Variants in SNTG2 observed in about 807,000 individuals in gnomAD.
The protein encoded by SNTG2 is syntrophin gamma 2, also known as gamma-2-syntrophin.
In SNTG2, 74 loss-of-function variants were observed where a neutral mutation model predicts 70.9. That is an observed-to-expected ratio of 1.04 (90% CI 0.86 to 1.27). The LOEUF is 1.27. Ranked by LOEUF, SNTG2 falls within the 50% of genes most tolerant of loss-of-function variation. The probability of loss-of-function intolerance (pLI) is 0.00; values close to 1 mark genes in which losing one functional copy is unlikely to be tolerated. For missense variants in SNTG2, 717 were observed against 690.7 expected, an observed-to-expected ratio of 1.04 and a Z score of -0.43; for synonymous variants, 278 against 273.8, an observed-to-expected ratio of 1.02 and a Z score of -0.15.
chr2:1,053,244 G>T (rs997980551), intron 1 of SNTG2, among the ~76,000 whole-genome samples: 1 of 152,110 alleles, frequency 6.6e-6, no homozygotes, highest in African/African-American at 2.4e-5. Flanking sequence ...TAAAATGTAG[G>T]TAAGCAGGCT....
intron 4 of SNTG2, among the ~76,000 whole-genome samples, chr2:1,104,059 T>C (rs917384259): frequency 2.6e-5 from 4 of 152,240 alleles, no homozygotes; most frequent in African/African-American, 9.6e-5. Flanking sequence ...AGGATTTTCA[T>C]TCCCATTTTA....
chr2:1,141,397 A>C (rs1159256554), intron 6 of SNTG2, among the ~76,000 whole-genome samples: 3 of 152,204 alleles, frequency 2.0e-5, no homozygotes, highest in Non-Finnish European at 2.9e-5. Context: ...TAACAGCTAG[A>C]AACTGCAGGA....
chr2:962,041 G>C (rs1660365651), intron 1 of SNTG2, among the ~76,000 whole-genome samples: 2 of 152,164 alleles, frequency 1.3e-5, no homozygotes, highest in Non-Finnish European at 1.5e-5. Context: ...AGACTTCATT[G>C]GTTCTTCAGT....
intron 8 of SNTG2, among the ~76,000 whole-genome samples, chr2:1,189,741 G>T (rs4396756): frequency 0.024 from 3,518 of 147,158 alleles, 131 homozygotes; most frequent in African/African-American, 0.08. Flanking sequence ...TAGAGACGGG[G>T]TTTCACCATG....
intron 1 of SNTG2, among the ~76,000 whole-genome samples, chr2:964,062 C>G (rs1660446684): frequency 6.6e-6 from 1 of 152,160 alleles, no homozygotes; most frequent in Non-Finnish European, 1.5e-5. Flanking sequence ...TGTTGGCGAG[C>G]TTTGTAATCA....
chr2:1,090,738 A>C (rs184864680), intron 2 of SNTG2, among the ~76,000 whole-genome samples: 32 of 152,238 alleles, frequency 2.1e-4, no homozygotes, highest in Admixed American at 1.9e-3. Context: ...GAGGGGCCGC[A>C]TGCACTGTGT....
intron 9 of SNTG2, among the ~76,000 whole-genome samples, chr2:1,221,967 G>C (rs1553361925): frequency 1.6e-4 from 1 of 6,162 alleles, no homozygotes; most frequent in African/African-American, 1.0e-3. Context: ...GTCTCTCTCT[G>C]TCTCTGTCTC....
At chr2:1,150,670 CAG>C (rs1669419621) in intron 6 of SNTG2, among the ~76,000 whole-genome samples, 1 of 151,590 alleles carries the variant, frequency 6.6e-6, no homozygotes, top group African/African-American at 2.4e-5. Context: ...CTTAAGGACA[CAG>C]AGAGATGGAA....
chr2:1,149,780 C>T (rs1558458576), intron 6 of SNTG2, among the ~76,000 whole-genome samples: 1 of 151,454 alleles, frequency 6.6e-6, no homozygotes, highest in Admixed American at 6.6e-5. Flanking sequence ...CTCCGCCTCC[C>T]GGGTTCACGC....
intron 1 of SNTG2, among the ~76,000 whole-genome samples, chr2:1,021,936 C>CTTTTTT (rs71392556): frequency 0.085 from 10,307 of 120,732 alleles, 596 homozygotes; most frequent in Non-Finnish European, 0.11. Context: ...GTTTTATGTG[C>CTTTTTT]TTTTTTTTTT....
intron 1 of SNTG2, among the ~76,000 whole-genome samples, chr2:995,426 A>G (rs1468769414): frequency 6.6e-6 from 1 of 152,044 alleles, no homozygotes; most frequent in African/African-American, 2.4e-5. Context: ...CCACTTAAAT[A>G]TGGTGTATAA....
chr2:1,308,109 A>G (rs1262350746), intron 14 of SNTG2, among the ~76,000 whole-genome samples: 1 of 152,182 alleles, frequency 6.6e-6, no homozygotes, highest in African/African-American at 2.4e-5. Flanking sequence ...GCCTCATGCA[A>G]AGAAAAGTGA....
Position 1,317,089 on chromosome 2 carries a change from T to G in SNTG2, c.1488+714T>G, listed in dbSNP as rs376560374. Among the ~76,000 whole-genome samples, 105 of 61,932 alleles carry G rather than the reference T, an allele frequency of 1.7e-3. 14 individuals carry two copies. Among genetic ancestry groups the G allele is most frequent in the Non-Finnish European group, 2.6e-3 (73 of 27,946 alleles). The allele number at this position is 61,932 out of a possible 152,430, so 40.6% of individuals were successfully genotyped here. A position where few individuals can be genotyped will look rare whatever the true frequency, so the allele number is the denominator to read the frequency against. On this transcript the variant is annotated intron_variant, in intron 16 of 16. Coordinates refer to ENST00000308624, the MANE Select transcript of SNTG2 (RefSeq NM_018968.4). ...GAGAAGGTTGGGATTCTGGAGCATTTAGCATCAGGCCAGCATTGGAGAAGG... is the reference window on the plus strand; with the variant it reads ...GAGAAGGTTGGGATTCTGGAGCATTGAGCATCAGGCCAGCATTGGAGAAGG...
intron 1 of SNTG2, among the ~76,000 whole-genome samples, chr2:1,077,167 A>G (rs1414878040): frequency 2.0e-5 from 3 of 152,122 alleles, no homozygotes; most frequent in Non-Finnish European, 4.4e-5. Context: ...GCCAAGTCTG[A>G]TTGTATGTTT....
chr2:1,111,335 A>G (rs1162846843), intron 4 of SNTG2, among the ~76,000 whole-genome samples: 3 of 152,246 alleles, frequency 2.0e-5, no homozygotes, highest in African/African-American at 7.2e-5. Context: ...CTGAGTAACA[A>G]GAGGCTTCCT....
chr2:1,170,475 C>G (rs1053242571), intron 7 of SNTG2, among the ~76,000 whole-genome samples: 2 of 152,146 alleles, frequency 1.3e-5, no homozygotes, highest in Admixed American at 1.3e-4. Context: ...GGCCCAGGCT[C>G]CCCTGAAGTC....
chr2:1,038,805 CTTAAT>C (rs1661274287), intron 1 of SNTG2, among the ~76,000 whole-genome samples: 1 of 152,156 alleles, frequency 6.6e-6, no homozygotes, highest in Non-Finnish European at 1.5e-5. Context: ...GAAGCCTAGT[CTTAAT>C]TTAATTTCAC....
rs560724403 is a variant in SNTG2 at position 1,138,932 on chromosome 2, G to A, written c.411+1123G>A. ...CACACGCAGCAGTCTGTAACTAAAC[G>A]GGGAATCACTTCCTACACGCTCACT... On this transcript the variant is annotated intron_variant, in intron 6 of 16. Transcript: ENST00000308624. Among the ~76,000 whole-genome samples, 14 of 152,234 alleles carry A rather than the reference G, an allele frequency of 9.2e-5. No homozygotes were observed. In the South Asian group the frequency reaches 2.7e-3, roughly 29 times the overall value.
At chr2:1,270,528 A>C (rs1678964511) in intron 14 of SNTG2, among the ~76,000 whole-genome samples, 1 of 152,160 alleles carries the variant, frequency 6.6e-6, no homozygotes, top group African/African-American at 2.4e-5. Flanking sequence ...TTACTTCTCC[A>C]CAGTCACCTA....
Sources: allele counts gnomAD v4.1 joint callset (sites outside exome capture counted in the v4.1 genomes callset), GRCh38; gene constraint gnomAD v4.1.1; transcripts MANE v1.5; gene names NCBI Gene and HGNC (gene_info 2026-07-23, HGNC 2026-07-21).